Variants in SLC46A3 observed in about 807,000 individuals in gnomAD.
SLC46A3 encodes lysosomal proton-coupled steroid conjugate and bile acid symporter SLC46A3.
A neutral mutation model predicts 38.5 loss-of-function variants in SLC46A3; 26 were observed. The ratio of observed to expected loss-of-function variants is 0.68; its 90% CI spans 0.49 to 0.94. The LOEUF (loss-of-function observed/expected upper bound fraction) is 0.94. Among genes scored for constraint, SLC46A3 ranks in the 40% least tolerant of loss-of-function variants. The pLI, the probability that SLC46A3 is intolerant of heterozygous loss-of-function variation, is 0.00. For missense variants in SLC46A3, 510 were observed against 544.3 expected, an observed-to-expected ratio of 0.94 and a Z score of 0.63; for synonymous variants, 185 against 192.5, an observed-to-expected ratio of 0.96 and a Z score of 0.32.
At position 28,713,340 on chromosome 13, in the gene SLC46A3, A is replaced by G; in HGVS notation, c.400T>C (p.Ser134Pro). The G allele has an allele frequency of 6.2e-7, 1 of 1,614,092 alleles. No individual in the cohort carries two copies. Among genetic ancestry groups the G allele is most frequent in the Non-Finnish European group, 8.5e-7 (1 of 1,180,030 alleles). Residue 134 changes from serine (S) to proline (P), a missense_variant, in exon 3 of 6, where the codon TCT (serine) becomes CCT (proline). Transcript: ENST00000266943. ...FAFPFQLLIASTFIGAFCGNY... is the reference protein window; with the variant it reads ...FAFPFQLLIAPTFIGAFCGNY... The stretch of plus-strand genomic sequence containing the variant: ...CCACAAAATGCACCAATGAAGGTAG[A>G]TGCAATCAAAAGCTGGAATGGAAAG...
chr13:28,700,489 A>G lies in SLC46A3; in HGVS notation c.*1008T>C. The G allele has an allele frequency of 6.4e-6, 1 of 155,314 alleles. No individual in the cohort carries two copies. Among genetic ancestry groups the G allele is most frequent in the Non-Finnish European group, 1.4e-5 (1 of 70,030 alleles). The allele number at this position is 155,314 out of a possible 1,614,324, so 9.6% of individuals were successfully genotyped here. ...TTGTTTGATCATTTTCCTATGAGTG[A>G]CCGTGTTGACGGATTCAAATTTAAG... On this transcript the variant is annotated 3_prime_UTR_variant, in exon 6 of 6. Coordinates refer to ENST00000266943, the MANE Select transcript of SLC46A3 (RefSeq NM_181785.4).
intron 5 of SLC46A3, 100 bp downstream of exon 5, chr13:28,703,843 G>C: frequency 9.1e-7 from 1 of 1,104,016 alleles, no homozygotes; most frequent in Non-Finnish European, 1.3e-6. Context: ...AGCACGTTCT[G>C]AGGCAAAATT....
chr13:28,717,665 C>A, intron 2 of SLC46A3, 145 bp downstream of exon 2: 1 of 688,504 alleles, frequency 1.5e-6, no homozygotes, highest in Non-Finnish European at 2.4e-6. Flanking sequence ...GGTGAGTTCC[C>A]AGTAAAGGCC....
At position 28,700,526 on chromosome 13, in the gene SLC46A3, C is replaced by T. The variant is rs374636596; in HGVS notation, c.*971G>A. The T allele has an allele frequency of 3.5e-4, 56 of 160,400 alleles. 2 individuals carry two copies. In the South Asian group the frequency reaches 9.9e-3, roughly 28 times the overall value. The allele number at this position is 160,400 out of a possible 1,614,324, so 9.9% of individuals were successfully genotyped here. On this transcript the variant is annotated 3_prime_UTR_variant, in exon 6 of 6. Coordinates refer to ENST00000266943, the MANE Select transcript of SLC46A3 (RefSeq NM_181785.4). The stretch of plus-strand genomic sequence containing the variant: ...GATTCAAATTTAAGGAGTACAAGAT[C>T]GTATTTTAAAAATGCCCTTAGCAGT...
rs1390536816 is a variant in SLC46A3 at position 28,718,001 on chromosome 13, T to G, written c.-3A>C. On this transcript the variant is annotated 5_prime_UTR_variant, in exon 2 of 6. Transcript: ENST00000266943. ...GGTTCTACAAATAAAATCTTCATAT[T>G]GCCTGGGTAGGTAGCTGTATTCTAT... 1.9e-6 allele frequency: 3 copies of G among 1,611,712 alleles called. No homozygotes were observed. The highest frequency in any genetic ancestry group is 2.2e-5 in the South Asian group (2 of 90,372).
At position 28,707,328 on chromosome 13, in the gene SLC46A3, C is replaced by T. The variant is rs1163239479; in HGVS notation, c.1145-3229G>A. On this transcript the variant is annotated intron_variant, in intron 4 of 5. Coordinates refer to ENST00000266943, the MANE Select transcript of SLC46A3 (RefSeq NM_181785.4). ...AAAAACCAAACACCACATGTTCTCA[C>T]TCACAGGTGGGAATTGAACAATGAG... Among the ~76,000 whole-genome samples the T allele has an allele frequency of 2.0e-5, 3 of 148,536 alleles. No homozygotes were observed. In the East Asian group the frequency reaches 6.0e-4, roughly 30 times the overall value.
In SLC46A3 at chr13:28,717,484, A is replaced by AATTTTTT. The variant is rs1322198755; in HGVS notation, c.189+325_189+326insAAAAAAT. On this transcript the variant is annotated intron_variant, in intron 2 of 5. Transcript: ENST00000266943. ...CAGCCTGCCCTGCCCCAATTTTCAG[A>AATTTTTT]CTTTTTTTTTTTTTTTTTTTTTTTT... 7.8e-3 allele frequency among the ~76,000 whole-genome samples: 736 copies of AATTTTTT among 94,008 alleles called. 82 individuals are homozygous for AATTTTTT. Among genetic ancestry groups the AATTTTTT allele is most frequent in the African/African-American group, 0.019 (536 of 27,646 alleles). 61.7% of individuals were successfully genotyped at this position (94,008 alleles called of 152,430 possible). A position where few individuals can be genotyped will look rare whatever the true frequency, so the allele number is the denominator to read the frequency against.
intron 2 of SLC46A3, among the ~76,000 whole-genome samples, chr13:28,714,016 C>T (rs912426894): frequency 6.6e-6 from 1 of 151,898 alleles, no homozygotes; most frequent in Non-Finnish European, 1.5e-5. Context: ...AGATTTTGGT[C>T]GGGCGTGGTG....
intron 4 of SLC46A3, among the ~76,000 whole-genome samples, chr13:28,707,413 G>A: frequency 7.7e-6 from 1 of 130,080 alleles, no homozygotes; most frequent in Non-Finnish European, 1.7e-5. Flanking sequence ...AGTGGGGGGA[G>A]GGAGGAGGGG....
At chr13:28,716,579 C>T (rs368857437) in intron 2 of SLC46A3, among the ~76,000 whole-genome samples, 22 of 151,994 alleles carry the variant, frequency 1.4e-4, no homozygotes, top group African/African-American at 3.4e-4. Flanking sequence ...GAGATAAGAC[C>T]GCTGGGTGAG....
chr13:28,714,079 G>C (rs1276065338), intron 2 of SLC46A3, among the ~76,000 whole-genome samples: 1 of 150,602 alleles, frequency 6.6e-6, no homozygotes, highest in African/African-American at 2.5e-5. Flanking sequence ...AGGATCACTT[G>C]AGGTCAGGAG....
At chr13:28,717,509 T>TTTTTTTTTTTTTTTTTTTTTTTTTTG in intron 2 of SLC46A3, among the ~76,000 whole-genome samples, 1 of 112,146 alleles carries the variant, frequency 8.9e-6, no homozygotes, top group South Asian at 3.2e-4. Flanking sequence ...TTTTTTTTTT[T>TTTTTTTTTTTTTTTTTTTTTTTTTTG]TAGGACAAAG....
Position 28,701,002 on chromosome 13 carries a change from T to G in SLC46A3, c.*495A>C. 6.6e-7 allele frequency: 1 copy of G among 1,525,172 alleles called. No individual in the cohort carries two copies. Among genetic ancestry groups the G allele is most frequent in the Non-Finnish European group, 8.8e-7 (1 of 1,134,590 alleles). The allele number at this position is 1,525,172 out of a possible 1,614,324, so 94.5% of individuals were successfully genotyped here. A position where few individuals can be genotyped will look rare whatever the true frequency, so the allele number is the denominator to read the frequency against. ...AAGTATAGGTAAAATCATACATATT[T>G]GAAACTTATATCATTATTTTCCTAC... is the stretch of plus-strand genomic sequence containing the variant. On this transcript the variant is annotated 3_prime_UTR_variant, in exon 6 of 6. Coordinates refer to ENST00000266943, the MANE Select transcript of SLC46A3 (RefSeq NM_181785.4).
At chr13:28,709,608 G>A (rs1240423670) in intron 4 of SLC46A3, among the ~76,000 whole-genome samples, 1 of 152,124 alleles carries the variant, frequency 6.6e-6, no homozygotes, top group East Asian at 1.9e-4. Context: ...TTTTGTCTTT[G>A]CTGCATCCTG....
chr13:28,714,150 A>AG (rs1174473010), intron 2 of SLC46A3, among the ~76,000 whole-genome samples: 4 of 20,834 alleles, frequency 1.9e-4, no homozygotes, highest in African/African-American at 2.8e-4. Context: ...ACAAAAAAAA[A>AG]AAAAAAAAAC....
At chr13:28,717,484 A>AATTTTTTTT (rs1322198755) in intron 2 of SLC46A3, among the ~76,000 whole-genome samples, 1,841 of 93,966 alleles carry the variant, frequency 0.02, 242 homozygotes, top group Non-Finnish European at 0.025. Flanking sequence ...CAATTTTCAG[A>AATTTTTTTT]CTTTTTTTTT....
intron 3 of SLC46A3, 64 bp downstream of exon 3, chr13:28,712,616 A>C (rs1479919076): frequency 3.4e-6 from 5 of 1,450,600 alleles, no homozygotes; most frequent in Non-Finnish European, 4.6e-6. Context: ...CCCCCAGTAG[A>C]CTAAATTCAT....
chr13:28,701,094 A>C lies in SLC46A3; in HGVS notation c.*403T>G. 6.9e-7 allele frequency: 1 copy of C among 1,453,344 alleles called. No homozygotes were observed. The highest frequency in any genetic ancestry group is 9.1e-7 in the Non-Finnish European group (1 of 1,102,130). 90.0% of individuals were successfully genotyped at this position (1,453,344 alleles called of 1,614,324 possible). On this transcript the variant is annotated 3_prime_UTR_variant, in exon 6 of 6. Coordinates refer to ENST00000266943, the MANE Select transcript of SLC46A3 (RefSeq NM_181785.4). ...TATCCCTGAGAGAGGCCAGAAACCC[A>C]TTCTGCTGATGAAGAAACTGAGGTA...
chr13:28,710,753 A>G lies in SLC46A3; in HGVS notation c.1144+7T>C. ...AGATTCATATTTCTTAAGCAAATTA[A>G]ACTCACCTTGTTCAGTCGAACGAAC... is the stretch of plus-strand genomic sequence containing the variant. On this transcript the variant is annotated splice_region_variant and intron_variant, in intron 4 of 5. Coordinates refer to ENST00000266943, the MANE Select transcript of SLC46A3 (RefSeq NM_181785.4). The G allele has an allele frequency of 6.2e-7, 1 of 1,602,018 alleles. No homozygotes were observed. Among genetic ancestry groups the G allele is most frequent in the Non-Finnish European group, 8.5e-7 (1 of 1,170,076 alleles).
Sources: gnomAD v4.1 joint callset for allele counts (sites outside exome capture counted in the v4.1 genomes callset) on GRCh38, gnomAD v4.1.1 for gene constraint, MANE v1.5 for transcripts, NCBI Gene and HGNC (gene_info 2026-07-23, HGNC 2026-07-21) for gene names.